CLOCK: variants seen among roughly 807,000 people sequenced by gnomAD.
CLOCK encodes circadian locomoter output cycles protein kaput.
A neutral mutation model predicts 118.4 loss-of-function variants in CLOCK; 43 were observed. That is an observed-to-expected ratio of 0.36 (90% CI 0.28 to 0.47). The LOEUF is 0.47. Among genes scored for constraint, CLOCK ranks in the 20% least tolerant of loss-of-function variants. The pLI, the probability that CLOCK is intolerant of heterozygous loss-of-function variation, is 1.00. For missense variants in CLOCK, 846 were observed against 999.9 expected (o/e 0.85, Z 2.08); for synonymous variants, 326 against 339.2 (o/e 0.96, Z 0.43).
intron 13 of CLOCK, among the ~76,000 whole-genome samples, chr4:55,455,536 G>A (rs11725422): frequency 0.034 from 5,125 of 152,120 alleles, 104 homozygotes; most frequent in Non-Finnish European, 0.054. Flanking sequence ...CATGTACCTA[G>A]CTCCTGAAAA....
At chr4:55,543,743 A>T (rs1343305149) in intron 1 of CLOCK, among the ~76,000 whole-genome samples, 1 of 151,668 alleles carries the variant, frequency 6.6e-6, no homozygotes, top group Non-Finnish European at 1.5e-5. Flanking sequence ...GTGCCACTGC[A>T]CTCCGGCCTG....
At chr4:55,493,981 T>C (rs529823930) in intron 2 of CLOCK, among the ~76,000 whole-genome samples, 10 of 152,314 alleles carry the variant, frequency 6.6e-5, no homozygotes, top group Non-Finnish European at 1.2e-4. Context: ...AGTGGGACAA[T>C]ACTATTCCAA....
rs866491834 is a variant in CLOCK at position 55,435,164 on chromosome 4, A to C, written c.*251T>G. ...TGGCAATATATTCTTTTTCCATCAA[A>C]AAATATCCAGGCACCTAAAACACTG... is the stretch of plus-strand genomic sequence containing the variant. On this transcript the variant is annotated 3_prime_UTR_variant, in exon 23 of 23. Transcript: ENST00000513440. 12 of 509,640 alleles carry C rather than the reference A, an allele frequency of 2.4e-5. No homozygotes were observed. The highest frequency in any genetic ancestry group is 1.1e-3 in the Middle Eastern group (2 of 1,814). 31.6% of individuals were successfully genotyped at this position (509,640 alleles called of 1,614,324 possible). A position where few individuals can be genotyped will look rare whatever the true frequency, so the allele number is the denominator to read the frequency against.
intron 18 of CLOCK, among the ~76,000 whole-genome samples, chr4:55,445,582 CTTTTT>C (rs56157186): frequency 1.7e-3 from 120 of 68,578 alleles, no homozygotes; most frequent in South Asian, 6.4e-3. Flanking sequence ...TTTCTATATT[CTTTTT>C]TTTTTTTTTT....
chr4:55,461,453 C>G (rs1725336508), intron 9 of CLOCK, among the ~76,000 whole-genome samples: 1 of 152,158 alleles, frequency 6.6e-6, no homozygotes, highest in South Asian at 2.1e-4. Context: ...GGCAAAACAG[C>G]TGTTACAGGA....
intron 2 of CLOCK, among the ~76,000 whole-genome samples, chr4:55,498,127 T>TA (rs1402763106): frequency 6.6e-6 from 1 of 152,234 alleles, no homozygotes; most frequent in Non-Finnish European, 1.5e-5. Context: ...ATACAACTAA[T>TA]ATGTATAAAT....
chr4:55,522,511 AAAAG>A (rs1014682846), intron 1 of CLOCK, among the ~76,000 whole-genome samples: 3 of 152,044 alleles, frequency 2.0e-5, no homozygotes, highest in African/African-American at 7.2e-5. Flanking sequence ...TTTTAAAAAA[AAAAG>A]AAGCATAAAG....
chr4:55,492,584 C>A (rs528173460), intron 2 of CLOCK, among the ~76,000 whole-genome samples: 1 of 152,194 alleles, frequency 6.6e-6, no homozygotes, highest in Admixed American at 6.5e-5. Context: ...GTGGCTCATG[C>A]CTGTAATCCT....
rs780163618 is a variant in CLOCK at position 55,459,211 on chromosome 4, G to A, written c.610C>T (p.Pro204Ser). Reference sequence around the variant, plus strand: ...TATTCATAGGTAGATGGCTCCTTTGGGTCTATTGTTCCTCGCAGCATGTGA... The same window carrying A: ...TATTCATAGGTAGATGGCTCCTTTGAGTCTATTGTTCCTCGCAGCATGTGA... The part of the protein sequence containing the change: ...CCHMLRGTID[P>S]KEPSTYEYVK... The change falls in exon 10 of 23, where the codon CCA becomes TCA. Residue 204 changes from proline (P) to serine (S), a missense_variant. Around this residue, in one of 4 missense-constraint regions of CLOCK, gnomAD observed 246 missense variants for 300.2 expected, o/e 0.82. Transcript: ENST00000513440. 6.2e-7 allele frequency: 1 copy of A among 1,612,376 alleles called. No homozygotes were observed. Among genetic ancestry groups the A allele is most frequent in the East Asian group, 2.2e-5 (1 of 44,836 alleles).
At chr4:55,515,814 T>C (rs1388235393) in intron 1 of CLOCK, among the ~76,000 whole-genome samples, 4 of 152,218 alleles carry the variant, frequency 2.6e-5, no homozygotes, top group African/African-American at 4.8e-5. Context: ...ACGCTATAAA[T>C]TTCCCTCTAG....
intron 1 of CLOCK, among the ~76,000 whole-genome samples, chr4:55,535,588 T>G (rs1329698637): frequency 2.0e-5 from 3 of 152,088 alleles, no homozygotes; most frequent in East Asian, 3.9e-4. Context: ...TTGTCTGCAC[T>G]TAGGTAAAAT....
intron 22 of CLOCK, among the ~76,000 whole-genome samples, chr4:55,436,113 C>T (rs1372069226): frequency 6.6e-6 from 1 of 152,174 alleles, no homozygotes; most frequent in Non-Finnish European, 1.5e-5. Flanking sequence ...AAGCTGTTTA[C>T]TTCTCTGGGC....
chr4:55,453,641 T>C (rs764220923), intron 14 of CLOCK, 36 bp downstream of exon 14: 1 of 1,581,170 alleles, frequency 6.3e-7, no homozygotes, highest in Admixed American at 1.7e-5. Context: ...CATAGGATGT[T>C]ACAGTAATTC....
intron 8 of CLOCK, among the ~76,000 whole-genome samples, chr4:55,468,662 A>T (rs1305047097): frequency 6.6e-6 from 1 of 152,218 alleles, no homozygotes; most frequent in Non-Finnish European, 1.5e-5. Flanking sequence ...CCTAATTGCA[A>T]CAAGTATCTC....
intron 6 of CLOCK, among the ~76,000 whole-genome samples, chr4:55,477,267 T>C (rs928813765): frequency 1.3e-5 from 2 of 152,096 alleles, no homozygotes; most frequent in African/African-American, 4.8e-5. Flanking sequence ...GGGAAATATA[T>C]GCATTTCATT....
At chr4:55,531,662 G>T (rs753929933) in intron 1 of CLOCK, among the ~76,000 whole-genome samples, 2 of 118,570 alleles carry the variant, frequency 1.7e-5, no homozygotes, top group African/African-American at 3.2e-5. Flanking sequence ...TCGAGATCAC[G>T]CCACTGTATT....
chr4:55,519,717 G>A (rs1397100306), intron 1 of CLOCK, among the ~76,000 whole-genome samples: 1 of 152,092 alleles, frequency 6.6e-6, no homozygotes, highest in African/African-American at 2.4e-5. Flanking sequence ...AGCGGAGACC[G>A]CAGTGAGCCG....
At chr4:55,444,906 T>TA (rs1723678791) in intron 18 of CLOCK, 121 bp from the exon 19 acceptor site, 8 of 996,492 alleles carry the variant, frequency 8.0e-6, no homozygotes, top group Non-Finnish European at 1.2e-5. Flanking sequence ...CTTCACTAGT[T>TA]ATGTCCCTTA....
intron 2 of CLOCK, among the ~76,000 whole-genome samples, chr4:55,504,080 C>A (rs187861386): frequency 6.8e-6 from 1 of 146,934 alleles, no homozygotes; most frequent in Admixed American, 6.9e-5. Context: ...GTCAGGAGAT[C>A]GAGACCATCC....
Sources: allele counts gnomAD v4.1 joint callset (sites outside exome capture counted in the v4.1 genomes callset), GRCh38; gene constraint gnomAD v4.1.1; regional missense constraint gnomAD v4.1.1; transcripts MANE v1.5; gene names NCBI Gene and HGNC (gene_info 2026-07-23, HGNC 2026-07-21).